Variants in GPCPD1 observed in about 807,000 individuals in gnomAD.
GPCPD1 encodes the protein glycerophosphocholine phosphodiesterase GPCPD1.
Under a neutral mutation model 89.2 loss-of-function variants are expected in GPCPD1, and 29 were observed. The observed-to-expected ratio is 0.33, with a 90% confidence interval of 0.24 to 0.44. The LOEUF (loss-of-function observed/expected upper bound fraction) is 0.44. Ranked by LOEUF, GPCPD1 falls within the 20% of genes least tolerant of loss-of-function variation. GPCPD1 has a pLI of 1.00. For synonymous variants in GPCPD1, 258 were observed against 266.3 expected (o/e 0.97, Z 0.30); for missense variants, 594 against 808.9 (o/e 0.73, Z 3.22).
intron 3 of GPCPD1, among the ~76,000 whole-genome samples, chr20:5,594,354 A>C (rs1479808191): frequency 6.6e-6 from 1 of 150,636 alleles, no homozygotes; most frequent in Non-Finnish European, 1.5e-5. Context: ...CAGTGGCGCG[A>C]TCTCAGCTCA....
rs1225818471 is a variant in GPCPD1 at position 5,575,937 on chromosome 20, A to T, written c.747T>A (p.Pro249=). 1 of 1,604,830 alleles carries T rather than the reference A, an allele frequency of 6.2e-7. No individual in the cohort carries two copies. Among genetic ancestry groups the T allele is most frequent in the Non-Finnish European group, 8.5e-7 (1 of 1,171,812 alleles). ...SEHVVQGDAL[P]GHVGTACLLS... is the part of the protein sequence containing the mutation. ...AGAGACAAGCTGTACCCACATGTCC[A>T]GGAAGGGCATCACCCTGAACTACGT... Residue 249 remains proline (P), a synonymous_variant, in exon 9 of 20, where the codon CCT becomes CCA. Coordinates refer to ENST00000379019, the MANE Select transcript of GPCPD1 (RefSeq NM_019593.5).
At chr20:5,590,806 C>T (rs1342431008) in intron 4 of GPCPD1, among the ~76,000 whole-genome samples, 4 of 152,000 alleles carry the variant, frequency 2.6e-5, no homozygotes, top group Non-Finnish European at 2.9e-5. Flanking sequence ...CAAGGGAGAT[C>T]GAGGTCAAAA....
chr20:5,598,936 A>G, intron 2 of GPCPD1, 115 bp from the exon 3 acceptor site: 1 of 705,582 alleles, frequency 1.4e-6, no homozygotes, highest in South Asian at 1.6e-5. Flanking sequence ...CAGAGATGAA[A>G]GAGCCTCACT....
At chr20:5,552,981 A>C (rs751453480) in intron 19 of GPCPD1, among the ~76,000 whole-genome samples, 7 of 152,026 alleles carry the variant, frequency 4.6e-5, no homozygotes, top group Non-Finnish European at 8.8e-5. Context: ...TCTTTTTTTA[A>C]ATTTCTTATA....
intron 3 of GPCPD1, among the ~76,000 whole-genome samples, chr20:5,597,613 A>C (rs1318005566): frequency 6.6e-6 from 1 of 152,244 alleles, no homozygotes; most frequent in Non-Finnish European, 1.5e-5. Flanking sequence ...CTAATCGGGC[A>C]CTGGATATAC....
chr20:5,571,983 G>A (rs1213570961), intron 11 of GPCPD1, among the ~76,000 whole-genome samples: 1 of 151,734 alleles, frequency 6.6e-6, no homozygotes, highest in Non-Finnish European at 1.5e-5. Context: ...ACTTAGGGAG[G>A]CCAAGTGAGG....
At chr20:5,594,345 A>G (rs1398682112) in intron 3 of GPCPD1, among the ~76,000 whole-genome samples, 2 of 151,690 alleles carry the variant, frequency 1.3e-5, no homozygotes, top group Non-Finnish European at 2.9e-5. Context: ...AGTGAAGTGC[A>G]GTGGCGCGAT....
At chr20:5,549,587 A>G in intron 19 of GPCPD1, 1 of 625,652 alleles carries the variant, frequency 1.6e-6, no homozygotes, top group South Asian at 1.6e-5. Context: ...ACTAGAGTGG[A>G]CTGGATTTAA....
At position 5,544,491 on chromosome 20, in the gene GPCPD1, T is replaced by C. The variant is rs1984947361; in HGVS notation, c.*3170A>G. ...GTTCATAACTAAGGATAGAACACTA[T>C]AGCAGTGCTAGAGATGCAAAGACGT... On this transcript the variant is annotated 3_prime_UTR_variant, in exon 20 of 20. Transcript: ENST00000379019. 6.6e-6 allele frequency: 1 copy of C among 152,252 alleles called. No individual in the cohort carries two copies. Among genetic ancestry groups the C allele is most frequent in the African/African-American group, 2.4e-5 (1 of 41,464 alleles). The allele number at this position is 152,252 out of a possible 1,614,324, so 9.4% of individuals were successfully genotyped here.
At chr20:5,564,732 G>A (rs1986285386) in intron 15 of GPCPD1, among the ~76,000 whole-genome samples, 1 of 152,126 alleles carries the variant, frequency 6.6e-6, no homozygotes. Context: ...AGCTATTTGA[G>A]AGACTGAGTG....
intron 19 of GPCPD1, among the ~76,000 whole-genome samples, chr20:5,552,457 A>G (rs1468948542): frequency 6.6e-6 from 1 of 152,254 alleles, no homozygotes; most frequent in Non-Finnish European, 1.5e-5. Context: ...TCAACATTTG[A>G]TTTCAACCAA....
chr20:5,601,238 T>C (rs560388303), intron 2 of GPCPD1, among the ~76,000 whole-genome samples: 17 of 152,076 alleles, frequency 1.1e-4, no homozygotes, highest in African/African-American at 4.1e-4. Context: ...CACTGTGTTG[T>C]GCACCTATAG....
intron 19 of GPCPD1, among the ~76,000 whole-genome samples, chr20:5,550,283 C>CAAA (rs11476159): frequency 1.2e-4 from 9 of 76,036 alleles, no homozygotes; most frequent in South Asian, 5.0e-4. Flanking sequence ...TCAAATGAAG[C>CAAA]AAAAAAAAAA....
rs1184471129 is a variant in GPCPD1 at position 5,575,438 on chromosome 20, C to T, written c.976G>A (p.Ala326Thr). The T allele has an allele frequency of 6.2e-7, 1 of 1,609,310 alleles. No individual in the cohort carries two copies. Among genetic ancestry groups the T allele is most frequent in the Non-Finnish European group, 8.5e-7 (1 of 1,176,450 alleles). Reference sequence around the variant, plus strand: ...TGGGCAGTTGTTGTAGAGTTTCCTGCACCTCGATGGCCAACATCCAATGGT... The same window carrying T: ...TGGGCAGTTGTTGTAGAGTTTCCTGTACCTCGATGGCCAACATCCAATGGT... The part of the protein sequence containing the change: ...RIPLDVGHRG[A>T]GNSTTTAQLA... Residue 326 changes from alanine to threonine, a missense_variant, in exon 10 of 20, where the codon GCA becomes ACA. Coordinates refer to ENST00000379019, the MANE Select transcript of GPCPD1 (RefSeq NM_019593.5).
rs1254546498 is a variant in GPCPD1 at position 5,594,461 on chromosome 20, G to GT, written c.147-1051dup. The stretch of plus-strand genomic sequence containing the variant: ...CCCGCCACCACGCCTGGCTAACTTT[G>GT]TTTTTTTATTTTTAGTAGAGACGGG... On this transcript the variant is annotated intron_variant, in intron 3 of 19. Transcript: ENST00000379019. Among the ~76,000 whole-genome samples, 7 of 152,056 alleles carry GT rather than the reference G, an allele frequency of 4.6e-5. No individual in the cohort carries two copies. In the East Asian group the frequency reaches 9.7e-4, roughly 21 times the overall value.
At chr20:5,576,227 T>C (rs560285908) in intron 8 of GPCPD1, among the ~76,000 whole-genome samples, 1 of 152,116 alleles carries the variant, frequency 6.6e-6, no homozygotes, top group African/African-American at 2.4e-5. Context: ...GATACTAGTC[T>C]GGCTAACATA....
intron 19 of GPCPD1, among the ~76,000 whole-genome samples, chr20:5,551,458 A>G (rs1265239306): frequency 6.6e-6 from 1 of 152,244 alleles, no homozygotes; most frequent in Non-Finnish European, 1.5e-5. Context: ...AATAGCAATT[A>G]CTTGGCAGCA....
intron 12 of GPCPD1, among the ~76,000 whole-genome samples, chr20:5,569,429 A>G (rs1986581373): frequency 2.0e-5 from 3 of 152,006 alleles, no homozygotes; most frequent in Admixed American, 2.0e-4. Context: ...TATCATTATC[A>G]TGATTATGTT....
chr20:5,562,886 T>C (rs1235247705), intron 15 of GPCPD1, among the ~76,000 whole-genome samples: 1 of 152,216 alleles, frequency 6.6e-6, no homozygotes, highest in Non-Finnish European at 1.5e-5. Context: ...TGAGAAAGAC[T>C]AGGACAATAT....
Sources: allele counts gnomAD v4.1 joint callset (sites outside exome capture counted in the v4.1 genomes callset), GRCh38; gene constraint gnomAD v4.1.1; transcripts MANE v1.5; gene names NCBI Gene and HGNC (gene_info 2026-07-23, HGNC 2026-07-21).